Variants in RIC1 observed in about 807,000 individuals in gnomAD.
The protein encoded by RIC1 is RIC1 partner of RAB6A GEF complex, also known as guanine nucleotide exchange factor subunit RIC1.
A neutral mutation model predicts 169.0 loss-of-function variants in RIC1; 88 were observed. The observed-to-expected ratio is 0.52, with a 90% CI of 0.44 to 0.62. The LOEUF (loss-of-function observed/expected upper bound fraction) is 0.62, where lower values mean the gene tolerates loss of function less well. Among genes scored for constraint, RIC1 ranks in the 20% least tolerant of loss-of-function variants. RIC1 has a pLI of 0.00. For synonymous variants in RIC1, 790 were observed against 601.5 expected (o/e 1.31, Z -4.59); for missense variants, 1,877 against 1,725.5 (o/e 1.09, Z -1.56).
At position 5,774,304 on chromosome 9, in the gene RIC1, CGT is replaced by C; in HGVS notation, c.*59_*60del. ...ATTAGCAGCAGCGTGCAGCTCAGTA[CGT>C]TGTAACATAGTTGGATGATTTAACA... On this transcript the variant is annotated 3_prime_UTR_variant, in exon 26 of 26. Transcript: ENST00000414202. 7.0e-7 allele frequency: 1 copy of C among 1,429,542 alleles called. No homozygotes were observed. The highest frequency in any genetic ancestry group is 2.1e-5 in the Admixed American group (1 of 47,572). The allele number at this position is 1,429,542 out of a possible 1,614,324, so 88.6% of individuals were successfully genotyped here. A position where few individuals can be genotyped will look rare whatever the true frequency, so the allele number is the denominator to read the frequency against.
At chr9:5,737,539 A>C (rs1052614474) in intron 7 of RIC1, among the ~76,000 whole-genome samples, 1 of 149,784 alleles carries the variant, frequency 6.7e-6, no homozygotes, top group Non-Finnish European at 1.5e-5. Context: ...TTAATACTGT[A>C]TATCTACTAT....
intron 2 of RIC1, among the ~76,000 whole-genome samples, chr9:5,663,884 G>T (rs554957912): frequency 4.3e-4 from 65 of 152,238 alleles, no homozygotes; most frequent in African/African-American, 1.5e-3. Context: ...GACTTATGTG[G>T]TTCCTTCATA....
At position 5,743,129 on chromosome 9, in the gene RIC1, A is replaced by G. The variant is rs138223686; in HGVS notation, c.1046+116A>G. The G allele has an allele frequency of 4.3e-5, 38 of 886,186 alleles. 1 individual carries two copies. The African/African-American group carries it at 4.7e-4, about 11-fold the overall frequency. 54.9% of individuals were successfully genotyped at this position (886,186 alleles called of 1,614,324 possible). On this transcript the variant is annotated intron_variant, in intron 9 of 25. Transcript: ENST00000414202. Reference sequence around the variant, plus strand: ...TTGCCTTGACTCTTACCTTAAAACAATTTGCAAAGTTCATAATCTGTTCGA... The same window carrying G: ...TTGCCTTGACTCTTACCTTAAAACAGTTTGCAAAGTTCATAATCTGTTCGA...
intron 7 of RIC1, among the ~76,000 whole-genome samples, chr9:5,735,297 C>G (rs1394275073): frequency 2.0e-5 from 3 of 152,028 alleles, no homozygotes; most frequent in Non-Finnish European, 4.4e-5. Flanking sequence ...GACTAGAAAG[C>G]CCACACATCA....
intron 1 of RIC1, among the ~76,000 whole-genome samples, chr9:5,653,965 CGTATT>C (rs1563871479): frequency 2.0e-5 from 3 of 152,084 alleles, no homozygotes; most frequent in African/African-American, 2.4e-5. Context: ...TATAGATAAA[CGTATT>C]GTGTTACATA....
In RIC1 at chr9:5,661,998, A is replaced by G. The variant is rs113025330; in HGVS notation, c.252+5308A>G. On this transcript the variant is annotated intron_variant, in intron 2 of 25. Transcript: ENST00000414202. ...TATATGACTCTTATTATTTTGAAGT[A>G]TGTTCCTTCAATATCTGGTTTATTG... Among the ~76,000 whole-genome samples the G allele has an allele frequency of 6.2e-3, 942 of 152,238 alleles. 12 individuals are homozygous for G. Among genetic ancestry groups the G allele is most frequent in the African/African-American group, 0.019 (791 of 41,548 alleles).
chr9:5,756,106 A>G, intron 15 of RIC1, 106 bp from the exon 16 acceptor site: 1 of 333,578 alleles, frequency 3.0e-6, no homozygotes, highest in Non-Finnish European at 4.5e-6. Context: ...CCTGTTACTA[A>G]AAAAAAAAAA....
chr9:5,630,693 A>G (rs1214649090), intron 1 of RIC1, among the ~76,000 whole-genome samples: 1 of 152,238 alleles, frequency 6.6e-6, no homozygotes. Flanking sequence ...ATAAAATCGT[A>G]ATACCAACAA....
chr9:5,694,861 T>G (rs1054477999), intron 3 of RIC1, among the ~76,000 whole-genome samples: 3 of 152,026 alleles, frequency 2.0e-5, no homozygotes, highest in African/African-American at 7.2e-5. Flanking sequence ...AAAACTCTTC[T>G]GAAAATTATT....
intron 1 of RIC1, among the ~76,000 whole-genome samples, chr9:5,635,284 T>C (rs961308607): frequency 2.0e-5 from 3 of 152,212 alleles, no homozygotes; most frequent in African/African-American, 7.2e-5. Context: ...CCAGTCCTTA[T>C]TCATTTTTTC....
chr9:5,777,760 C>T (rs1259129004), downstream of RIC1, among the ~76,000 whole-genome samples: 3 of 151,994 alleles, frequency 2.0e-5, no homozygotes, highest in Non-Finnish European at 2.9e-5. Context: ...ATTTTTTTCC[C>T]ATTGTCAAAA....
chr9:5,688,556 C>G lies in RIC1; in HGVS notation c.253-1403C>G, dbSNP rs558411818. Reference sequence around the variant, plus strand: ...CATATTGCAAGAACATAAAATTGCACATAAAGAATTAGAAAGATGATCTTA... The same window carrying G: ...CATATTGCAAGAACATAAAATTGCAGATAAAGAATTAGAAAGATGATCTTA... On this transcript the variant is annotated intron_variant, in intron 2 of 25. Coordinates refer to ENST00000414202, the MANE Select transcript of RIC1 (RefSeq NM_020829.4). 3.9e-5 allele frequency among the ~76,000 whole-genome samples: 6 copies of G among 152,196 alleles called. 1 individual carries two copies. In the South Asian group the frequency reaches 1.0e-3, roughly 26 times the overall value.
chr9:5,631,152 G>A (rs990246115), intron 1 of RIC1, among the ~76,000 whole-genome samples: 1 of 152,146 alleles, frequency 6.6e-6, no homozygotes, highest in Admixed American at 6.5e-5. Flanking sequence ...ATATTCTTAA[G>A]CATGTCTATT....
At chr9:5,636,341 C>G (rs1403299770) in intron 1 of RIC1, among the ~76,000 whole-genome samples, 1 of 151,796 alleles carries the variant, frequency 6.6e-6, no homozygotes, top group Non-Finnish European at 1.5e-5. Context: ...TTTTTTTAGA[C>G]AAAGTCTCGC....
At chr9:5,726,251 T>C (rs1823975138) in intron 6 of RIC1, among the ~76,000 whole-genome samples, 4 of 152,334 alleles carry the variant, frequency 2.6e-5, no homozygotes, top group South Asian at 4.1e-4. Flanking sequence ...ATTGGGTGCA[T>C]ATATATTTAG....
chr9:5,771,409 C>T (rs954238042), intron 23 of RIC1, among the ~76,000 whole-genome samples: 3 of 152,048 alleles, frequency 2.0e-5, no homozygotes, highest in South Asian at 2.1e-4. Context: ...GCAGATACCA[C>T]GTTTTGTGTA....
In RIC1 at chr9:5,774,479, G is replaced by T. The variant is rs1211943319; in HGVS notation, c.*233G>T. The T allele has an allele frequency of 1.1e-5, 4 of 378,554 alleles. No homozygotes were observed. Among genetic ancestry groups the T allele is most frequent in the Non-Finnish European group, 1.9e-5 (4 of 212,682 alleles). The allele number at this position is 378,554 out of a possible 1,614,324, so 23.4% of individuals were successfully genotyped here. A position where few individuals can be genotyped will look rare whatever the true frequency, so the allele number is the denominator to read the frequency against. ...TAAGCTGCAGTGAAAAGTAAATATT[G>T]TACAGATGTACATGAGAATATTTTG... On this transcript the variant is annotated 3_prime_UTR_variant, in exon 26 of 26. Coordinates refer to ENST00000414202, the MANE Select transcript of RIC1 (RefSeq NM_020829.4).
At chr9:5,739,323 C>G (rs922203419) in intron 8 of RIC1, among the ~76,000 whole-genome samples, 10 of 152,086 alleles carry the variant, frequency 6.6e-5, no homozygotes, top group Admixed American at 1.3e-4. Context: ...TTTTAACTCC[C>G]CGAGCTGCAG....
intron 1 of RIC1, among the ~76,000 whole-genome samples, chr9:5,635,983 G>C (rs529561610): frequency 2.6e-5 from 4 of 152,306 alleles, no homozygotes; most frequent in African/African-American, 9.6e-5. Flanking sequence ...TAACACACAG[G>C]TAATGTGACA....
Sources: gnomAD v4.1 joint callset for allele counts (sites outside exome capture counted in the v4.1 genomes callset) on GRCh38, gnomAD v4.1.1 for gene constraint, MANE v1.5 for transcripts, NCBI Gene and HGNC (gene_info 2026-07-23, HGNC 2026-07-21) for gene names.